Variants in EP400 observed in about 807,000 individuals in gnomAD.
EP400 encodes E1A binding protein p400.
Under a neutral mutation model 354.1 loss-of-function variants are expected in EP400, and 105 were observed. The ratio of observed to expected loss-of-function variants is 0.30; its 90% CI spans 0.25 to 0.35. EP400 has a LOEUF of 0.35. Among genes scored for constraint, EP400 ranks in the 10% least tolerant of loss-of-function variants. The probability of loss-of-function intolerance (pLI) is 1.00; values close to 1 mark genes in which losing one functional copy is unlikely to be tolerated. For missense variants in EP400, 3,280 were observed against 4,121.0 expected, an observed-to-expected ratio of 0.80 and a Z score of 5.59; for synonymous variants, 1,646 against 1,716.9, an observed-to-expected ratio of 0.96 and a Z score of 1.02.
At chr12:132,074,217 G>A (rs1340103508) in intron 51 of EP400, among the ~76,000 whole-genome samples, 2 of 152,120 alleles carry the variant, frequency 1.3e-5, no homozygotes, top group Non-Finnish European at 1.5e-5. Flanking sequence ...GAGCCACCGC[G>A]CCCGGTCGGC....
At chr12:132,046,009 C>T in intron 39 of EP400, 109 bp downstream of exon 39, 1 of 1,380,600 alleles carries the variant, frequency 7.2e-7, no homozygotes, top group East Asian at 2.4e-5. Context: ...TCCTTCATCC[C>T]TGTGGGTCTG....
At chr12:132,031,911 A>AG in intron 29 of EP400, 42 bp from the exon 30 acceptor site, 1 of 1,555,846 alleles carries the variant, frequency 6.4e-7, no homozygotes, top group Non-Finnish European at 8.7e-7. Flanking sequence ...GTTTCCCAAC[A>AG]TTTTCCAAGA....
intron 12 of EP400, among the ~76,000 whole-genome samples, chr12:132,002,597 G>T (rs7313168): frequency 0.13 from 19,077 of 152,278 alleles, 1,639 homozygotes; most frequent in African/African-American, 0.24. Context: ...CAGCTGATGG[G>T]CTCTGGTTGC....
chr12:132,005,023 A>T, intron 12 of EP400, 54 bp from the exon 13 acceptor site: 1 of 1,393,016 alleles, frequency 7.2e-7, no homozygotes, highest in Non-Finnish European at 1.0e-6. Flanking sequence ...TTCCCAATTT[A>T]AATTACAGTT....
Position 131,994,127 on chromosome 12 carries a change from A to C in EP400, c.2738-740A>C, listed in dbSNP as rs920864832. On this transcript the variant is annotated intron_variant, in intron 11 of 52. Coordinates refer to ENST00000389561, the MANE Select transcript of EP400 (RefSeq NM_015409.5). This position sits in a 1 kb window ranked among gnomAD's most constrained non-coding sequence, Gnocchi z 4.6. ...CAGGAAAGGCAGCACCTGGAGGCCC[A>C]GCGACTTGTGTGGTTGGGGTCAGGT... Among the ~76,000 whole-genome samples, 2 of 151,798 alleles carry C rather than the reference A, an allele frequency of 1.3e-5. No homozygotes were observed. Among genetic ancestry groups the C allele is most frequent in the African/African-American group, 4.8e-5 (2 of 41,304 alleles).
At position 132,050,489 on chromosome 12, in the gene EP400, C is replaced by A; in HGVS notation, c.7337+30C>A. 1 of 1,613,756 alleles carries A rather than the reference C, an allele frequency of 6.2e-7. No homozygotes were observed. Among genetic ancestry groups the A allele is most frequent in the South Asian group, 1.1e-5 (1 of 91,052 alleles). ...GTTTCCTGAGTGCTCATTTTATGTT[C>A]ATTATGACTGAGTAGATTGCGTGAA... On this transcript the variant is annotated intron_variant, in intron 40 of 52. Transcript: ENST00000389561. The surrounding 1 kb of genome is among the most constrained non-coding windows in gnomAD (Gnocchi z 4.8).
At chr12:132,053,299 G>A (rs184204123) in intron 42 of EP400, 44 bp from the exon 43 acceptor site, 35 of 1,603,176 alleles carry the variant, frequency 2.2e-5, no homozygotes, top group Admixed American at 1.5e-4. Flanking sequence ...TATGCAGGCC[G>A]AGTCTGCCCC....
chr12:132,021,267 A>G lies in EP400; in HGVS notation c.4636A>G (p.Ser1546Gly). Reference protein sequence around the residue: ...PQAPSHAAGQSALPQRLVLPS... With the variant: ...PQAPSHAAGQGALPQRLVLPS... ...GGCCCCCTCGCACGCGGCCGGGCAG[A>G]GCGCGCTGCCTCAGAGGCTGGTGCT... The change falls in exon 23 of 53, where the codon AGC (serine) becomes GGC (glycine). Residue 1546 changes from serine to glycine, a missense_variant. Ser to Gly is a moderately conservative substitution (Grantham distance 56). Around this residue, in one of 20 missense-constraint regions of EP400, gnomAD observed 342 missense variants for 342.7 expected, o/e 1.00. Coordinates refer to ENST00000389561, the MANE Select transcript of EP400 (RefSeq NM_015409.5). The G allele has an allele frequency of 2.6e-6, 4 of 1,533,026 alleles. No individual in the cohort carries two copies. The highest frequency in any genetic ancestry group is 3.5e-6 in the Non-Finnish European group (4 of 1,145,684). 95.0% of individuals were successfully genotyped at this position (1,533,026 alleles called of 1,614,324 possible). A position where few individuals can be genotyped will look rare whatever the true frequency, so the allele number is the denominator to read the frequency against.
In EP400 at chr12:132,045,846, C is replaced by T. The variant is rs747752167; in HGVS notation, c.7146C>T (p.Ser2382=). The T allele has an allele frequency of 8.7e-6, 14 of 1,614,110 alleles. No individual in the cohort carries two copies. The South Asian group carries it at 1.1e-4, about 13-fold the overall frequency. Residue 2382 remains serine, a synonymous_variant, in exon 39 of 53, where the codon TCC becomes TCT. Coordinates refer to ENST00000389561, the MANE Select transcript of EP400 (RefSeq NM_015409.5). ...CCTGTAGCCGAATCTACCGCTCTTC[C>T]AAACAGTGCCGGAATCGCTACGAGA... The part of the protein sequence containing the change: ...VNSCSRIYRS[S]KQCRNRYENV...
intron 16 of EP400, 102 bp from the exon 17 acceptor site, chr12:132,012,907 A>G: frequency 8.2e-7 from 1 of 1,221,892 alleles, no homozygotes; most frequent in Non-Finnish European, 1.1e-6. Context: ...ATAGGTGGGA[A>G]CGGAGTCACT....
At chr12:132,073,924 T>TTG (rs1197302629) in intron 51 of EP400, among the ~76,000 whole-genome samples, 1 of 124,864 alleles carries the variant, frequency 8.0e-6, no homozygotes, top group African/African-American at 3.2e-5. Context: ...TTGGGGTTTT[T>TTG]TTTTTTTTTT....
In EP400 at chr12:131,990,799, T is replaced by C. The variant is rs1893008444; in HGVS notation, c.2629+85T>C. 2.0e-6 allele frequency: 2 copies of C among 988,690 alleles called. No individual in the cohort carries two copies. Among genetic ancestry groups the C allele is most frequent in the Middle Eastern group, 2.2e-4 (1 of 4,506 alleles). The allele number at this position is 988,690 out of a possible 1,614,324, so 61.2% of individuals were successfully genotyped here. On this transcript the variant is annotated intron_variant, in intron 9 of 52. Transcript: ENST00000389561. The surrounding 1 kb of genome is among the most constrained non-coding windows in gnomAD (Gnocchi z 4.2). The stretch of plus-strand genomic sequence containing the variant: ...CTCAGCAGGCAGTCTCCTGGCGCTG[T>C]GGCTTCCCACAGAGGACATCTGCTC...
chr12:131,964,041 A>G (rs768109634), intron 2 of EP400, among the ~76,000 whole-genome samples: 2 of 152,234 alleles, frequency 1.3e-5, no homozygotes, highest in African/African-American at 2.4e-5. Flanking sequence ...GGTATTTTCC[A>G]TAGCTAGAGG....
intron 51 of EP400, among the ~76,000 whole-genome samples, chr12:132,073,318 C>T (rs1468158940): frequency 6.6e-6 from 1 of 151,538 alleles, no homozygotes; most frequent in Non-Finnish European, 1.5e-5. Context: ...CCTAAAATCT[C>T]CATGTGCACA....
intron 30 of EP400, among the ~76,000 whole-genome samples, chr12:132,036,280 C>T (rs1006311144): frequency 2.0e-5 from 3 of 151,572 alleles, no homozygotes; most frequent in Non-Finnish European, 4.4e-5. Flanking sequence ...AAGGACACAC[C>T]CAGGTTCGCA....
At position 131,982,270 on chromosome 12, in the gene EP400, C is replaced by T. The variant is rs141312270; in HGVS notation, c.1721C>T (p.Ala574Val). ...AGVPTAALSS[A>V]LQFAQQPQVV... ...GTTCCCACTGCAGCCCTCTCCTCTG[C>T]GCTGCAGTTTGCACAGCAGCCGCAA... Residue 574 changes from alanine to valine, a missense_variant, in exon 5 of 53, where the codon GCG (alanine) becomes GTG (valine). Ala to Val is a moderately conservative substitution (Grantham distance 64). Around this residue, in one of 20 missense-constraint regions of EP400, gnomAD observed 800 missense variants for 840.0 expected, o/e 0.95. Coordinates refer to ENST00000389561, the MANE Select transcript of EP400 (RefSeq NM_015409.5). 5.3e-4 allele frequency: 849 copies of T among 1,614,188 alleles called. 6 individuals are homozygous for T. In the African/African-American group the frequency reaches 5.5e-3, roughly 10 times the overall value.
chr12:132,018,612 G>A lies in EP400; in HGVS notation c.4277+236G>A, dbSNP rs935145931. 6.6e-6 allele frequency among the ~76,000 whole-genome samples: 1 copy of A among 152,218 alleles called. No individual in the cohort carries two copies. The highest frequency in any genetic ancestry group is 1.5e-5 in the Non-Finnish European group (1 of 68,048). ...AGCAACCTCCTTGATCGTCTTTGCA[G>A]CAGTTTTAGGGTAGGGTGGGTGTCA... is the stretch of plus-strand genomic sequence containing the variant. On this transcript the variant is annotated intron_variant, in intron 21 of 52. Transcript: ENST00000389561. The surrounding 1 kb of genome is among the most constrained non-coding windows in gnomAD (Gnocchi z 4.0).
chr12:132,040,426 G>A (rs940337816), intron 32 of EP400, among the ~76,000 whole-genome samples: 4 of 152,114 alleles, frequency 2.6e-5, no homozygotes, highest in South Asian at 2.1e-4. Context: ...CGTGTTCATC[G>A]CAGCACTGTC....
At chr12:132,048,041 A>C (rs773651889) in intron 39 of EP400, among the ~76,000 whole-genome samples, 9 of 152,238 alleles carry the variant, frequency 5.9e-5, no homozygotes, top group Admixed American at 1.3e-4. Flanking sequence ...GTTTAAGGTT[A>C]TCTCTCTTGT....
Sources: allele counts gnomAD v4.1 joint callset (sites outside exome capture counted in the v4.1 genomes callset), GRCh38; gene constraint gnomAD v4.1.1; regional missense constraint gnomAD v4.1.1; non-coding constraint Gnocchi (gnomAD v3.1); transcripts MANE v1.5; gene names NCBI Gene and HGNC (gene_info 2026-07-23, HGNC 2026-07-21).